KALRN: variants seen among roughly 807,000 people sequenced by gnomAD.
KALRN encodes the protein kalirin.
KALRN carries 70 observed loss-of-function variants against 353.7 expected under a neutral mutation model. The ratio of observed to expected loss-of-function variants is 0.20; its 90% CI spans 0.16 to 0.24. The LOEUF (loss-of-function observed/expected upper bound fraction) is 0.24. Ranked by LOEUF, KALRN falls within the 10% of genes least tolerant of loss-of-function variation. The pLI is 1.00. For missense variants in KALRN, 2,791 were observed against 3,756.7 expected (o/e 0.74, Z 6.72); for synonymous variants, 1,391 against 1,434.8 (o/e 0.97, Z 0.69).
chr3:124,579,573 G>A (rs940605005), intron 34 of KALRN, among the ~76,000 whole-genome samples: 2 of 152,122 alleles, frequency 1.3e-5, no homozygotes, highest in African/African-American at 4.8e-5. Flanking sequence ...ATAAGCGAGG[G>A]GCGGGCACAA....
intron 16 of KALRN, among the ~76,000 whole-genome samples, chr3:124,433,617 G>A (rs10585854): frequency 0.51 from 69,941 of 138,126 alleles, 17,845 homozygotes; most frequent in East Asian, 0.77. Context: ...AAAAAAAAAA[G>A]GAAAGAAAAT....
intron 1 of KALRN, among the ~76,000 whole-genome samples, chr3:124,198,608 CA>C (rs2075668467): frequency 6.6e-6 from 1 of 152,176 alleles, no homozygotes; most frequent in Non-Finnish European, 1.5e-5. Flanking sequence ...AACAAAAGTT[CA>C]TGACATCCTC....
Position 124,235,976 on chromosome 3 carries a change from A to G in KALRN, c.263+1033A>G, listed in dbSNP as rs1236763521. Among the ~76,000 whole-genome samples, 3 of 152,216 alleles carry G rather than the reference A, an allele frequency of 2.0e-5. No homozygotes were observed. The East Asian group carries it at 5.8e-4, about 29-fold the overall frequency. ...TTGAGTGAGGCAAGTACTGCATTTC[A>G]GAGAGCTAAAGAAGAGATGAATGTA... On this transcript the variant is annotated intron_variant, in intron 3 of 59. Transcript: ENST00000682506.
intron 33 of KALRN, among the ~76,000 whole-genome samples, chr3:124,508,684 A>C (rs961307599): frequency 6.6e-6 from 1 of 152,220 alleles, no homozygotes; most frequent in Non-Finnish European, 1.5e-5. Flanking sequence ...TAAAATTGTT[A>C]GGTGATAGGA....
At chr3:124,125,338 C>T (rs1201594590) in intron 1 of KALRN, among the ~76,000 whole-genome samples, 2 of 152,160 alleles carry the variant, frequency 1.3e-5, no homozygotes, top group Admixed American at 1.3e-4. Flanking sequence ...CTGCTCTGTT[C>T]TTTCATGTTA....
intron 16 of KALRN, among the ~76,000 whole-genome samples, chr3:124,433,777 T>C (rs193018034): frequency 6.6e-6 from 1 of 152,330 alleles, no homozygotes; most frequent in Non-Finnish European, 1.5e-5. Context: ...TTTATTAACC[T>C]GCCAAATTTA....
chr3:124,256,411 T>A (rs2071987616), intron 3 of KALRN, among the ~76,000 whole-genome samples: 1 of 152,034 alleles, frequency 6.6e-6, no homozygotes, highest in Non-Finnish European at 1.5e-5. Flanking sequence ...AGAAGGCAAA[T>A]CCAAAGGCCA....
intron 33 of KALRN, among the ~76,000 whole-genome samples, chr3:124,509,825 A>G (rs2108803218): frequency 6.6e-6 from 1 of 152,350 alleles, no homozygotes. Context: ...TGCTCACAGG[A>G]AAGCCTTTCA....
chr3:124,231,517 C>G (rs1265181724), intron 2 of KALRN, among the ~76,000 whole-genome samples: 3 of 152,186 alleles, frequency 2.0e-5, no homozygotes, highest in Non-Finnish European at 4.4e-5. Context: ...CTTTCGTACC[C>G]TGGACCTGCA....
chr3:124,674,409 A>G lies in KALRN; in HGVS notation c.6988A>G (p.Lys2330Glu). 9 of 1,614,034 alleles carry G rather than the reference A, an allele frequency of 5.6e-6. No individual in the cohort carries two copies. Among genetic ancestry groups the G allele is most frequent in the Non-Finnish European group, 7.6e-6 (9 of 1,179,990 alleles). The change falls in exon 49 of 60, where the codon AAA becomes GAA. Residue 2330 changes from lysine to glutamate, a missense_variant. Physicochemically the swap from Lys to Glu is moderately conservative, Grantham distance 56. Coordinates refer to ENST00000682506, the MANE Select transcript of KALRN (RefSeq NM_001388419.1). ...TGGGACCTCGTCCATGGCCGTGATC[A>G]AAGATTACTATGCACTGAAGGAGAA... ...CNGTSSMAVIKDYYALKENEI... is the reference protein window; with the variant it reads ...CNGTSSMAVIEDYYALKENEI...
intron 17 of KALRN, among the ~76,000 whole-genome samples, chr3:124,437,711 A>C (rs1406786396): frequency 1.3e-5 from 2 of 151,218 alleles, no homozygotes; most frequent in Non-Finnish European, 3.0e-5. Flanking sequence ...AAAAAAAAAA[A>C]AAAAGACGTT....
intron 33 of KALRN, among the ~76,000 whole-genome samples, chr3:124,539,923 G>GGC (rs1554023325): frequency 3.0e-4 from 19 of 64,056 alleles, no homozygotes; most frequent in Admixed American, 2.1e-3. Flanking sequence ...AATTTTTTTT[G>GGC]GGGGGGGGGA....
At chr3:124,200,822 G>A (rs1475232441) in intron 1 of KALRN, among the ~76,000 whole-genome samples, 1 of 152,188 alleles carries the variant, frequency 6.6e-6, no homozygotes, top group Non-Finnish European at 1.5e-5. Context: ...GGAGGGTGGT[G>A]TAAGTGTCCT....
intron 13 of KALRN, among the ~76,000 whole-genome samples, chr3:124,400,884 G>T (rs185347050): frequency 1.8e-3 from 270 of 152,244 alleles, no homozygotes; most frequent in South Asian, 3.1e-3. Context: ...TTCCAGGTCT[G>T]CTTCAAAACA....
At chr3:124,620,642 G>A (rs1354281460) in intron 34 of KALRN, among the ~76,000 whole-genome samples, 1 of 152,242 alleles carries the variant, frequency 6.6e-6, no homozygotes, top group Admixed American at 6.5e-5. Flanking sequence ...GTGGAATATA[G>A]AGAGAATTTT....
At chr3:124,492,598 A>T in intron 31 of KALRN, 142 bp from the exon 32 acceptor site, 1 of 831,550 alleles carries the variant, frequency 1.2e-6, no homozygotes, top group Non-Finnish European at 1.8e-6. Flanking sequence ...TTGAAGAGTC[A>T]TAAGTATGAA....
intron 3 of KALRN, among the ~76,000 whole-genome samples, chr3:124,252,075 G>T (rs952548670): frequency 2.0e-5 from 3 of 152,138 alleles, no homozygotes; most frequent in Non-Finnish European, 2.9e-5. Flanking sequence ...TTTGCTTCTG[G>T]CACACTTGAG....
chr3:124,390,025 A>C (rs2150004542), intron 11 of KALRN, among the ~76,000 whole-genome samples: 1 of 152,340 alleles, frequency 6.6e-6, no homozygotes, highest in South Asian at 2.1e-4. Flanking sequence ...CTACTAGTAC[A>C]AATCATGCTG....
chr3:124,543,761 A>G (rs1156669065), intron 33 of KALRN, among the ~76,000 whole-genome samples: 1 of 152,120 alleles, frequency 6.6e-6, no homozygotes, highest in Non-Finnish European at 1.5e-5. Context: ...ATTTATAAGG[A>G]TGTCTTCTCA....
Sources: allele counts gnomAD v4.1 joint callset (sites outside exome capture counted in the v4.1 genomes callset), GRCh38; gene constraint gnomAD v4.1.1; transcripts MANE v1.5; gene names NCBI Gene and HGNC (gene_info 2026-07-23, HGNC 2026-07-21).